The following NUP210 variants were observed in gnomAD, a reference collection of about 807,000 sequenced individuals.
NUP210 encodes the protein nuclear pore membrane glycoprotein 210.
A neutral mutation model predicts 196.0 loss-of-function variants in NUP210; 151 were observed. That is an observed-to-expected ratio of 0.77 (90% CI 0.67 to 0.88). NUP210 has a LOEUF of 0.88. Ranked by LOEUF, NUP210 falls within the 40% of genes least tolerant of loss-of-function variation. The pLI is 0.00. For synonymous variants in NUP210, 1,070 were observed against 1,052.7 expected (o/e 1.02, Z -0.32); for missense variants, 2,314 against 2,493.7 (o/e 0.93, Z 1.53).
At chr3:13,408,303 T>C (rs1397616998) in intron 1 of NUP210, among the ~76,000 whole-genome samples, 2 of 152,198 alleles carry the variant, frequency 1.3e-5, no homozygotes, top group Non-Finnish European at 2.9e-5. Flanking sequence ...TTTTGGTCTG[T>C]GGGATTTTTT....
At chr3:13,327,476 AAAG>A in intron 31 of NUP210, 39 bp from the exon 32 acceptor site, 1 of 1,470,344 alleles carries the variant, frequency 6.8e-7, no homozygotes, top group South Asian at 1.2e-5. Flanking sequence ...CAGTCTCGGG[AAAG>A]AAGCTTCCAA....
At chr3:13,414,475 G>T (rs980896001) in intron 1 of NUP210, among the ~76,000 whole-genome samples, 1 of 148,708 alleles carries the variant, frequency 6.7e-6, no homozygotes, top group African/African-American at 2.5e-5. Flanking sequence ...GGGCCAGGGA[G>T]AACGAGGCCC....
chr3:13,411,655 C>T (rs1217260507), intron 1 of NUP210, among the ~76,000 whole-genome samples: 3 of 152,178 alleles, frequency 2.0e-5, no homozygotes, highest in African/African-American at 4.8e-5. Flanking sequence ...CTGCACCTGC[C>T]GACGGCCCCT....
At chr3:13,343,398 A>G in intron 20 of NUP210, 95 bp from the exon 21 acceptor site, 1 of 1,452,260 alleles carries the variant, frequency 6.9e-7, no homozygotes, top group Admixed American at 2.0e-5. Flanking sequence ...CCTCGCCCTC[A>G]GCACCAGCCT....
At chr3:13,377,422 C>A in intron 9 of NUP210, 34 bp downstream of exon 9, 1 of 1,492,500 alleles carries the variant, frequency 6.7e-7, no homozygotes, top group South Asian at 1.1e-5. Flanking sequence ...GACCCCACCT[C>A]ATCCCCCCAG....
At chr3:13,394,302 C>CA (rs1699583752) in intron 3 of NUP210, among the ~76,000 whole-genome samples, 1 of 152,196 alleles carries the variant, frequency 6.6e-6, no homozygotes, top group South Asian at 2.1e-4. Context: ...ATGCAAGAGG[C>CA]ACGGGTGGGC....
In NUP210 at chr3:13,399,513, G is replaced by A. The variant is rs549339905; in HGVS notation, c.304+212C>T. Among the ~76,000 whole-genome samples the A allele has an allele frequency of 4.6e-5, 7 of 152,276 alleles. No homozygotes were observed. In the East Asian group the frequency reaches 1.2e-3, roughly 25 times the overall value. ...AATAATTTAGAAATTTAGCAAGCCA[G>A]CCTCCACAAAAGGGAACACGGTACG... On this transcript the variant is annotated intron_variant, in intron 2 of 39. Transcript: ENST00000254508.
In NUP210 at chr3:13,376,542, G is replaced by A. The variant is rs533907297; in HGVS notation, c.1153-111C>T. On this transcript the variant is annotated intron_variant, in intron 9 of 39. Transcript: ENST00000254508. The stretch of plus-strand genomic sequence containing the variant: ...ACCAGCAGCCAGGCCAGGCCAAGGG[G>A]CCCCCTGGGGCTCAGCAGCCTCCAC... 23 of 1,207,390 alleles carry A rather than the reference G, an allele frequency of 1.9e-5. No individual in the cohort carries two copies. In the East Asian group the frequency reaches 5.1e-4, roughly 27 times the overall value. 74.8% of individuals were successfully genotyped at this position (1,207,390 alleles called of 1,614,324 possible).
At chr3:13,419,232 A>T (rs1025496266) in intron 1 of NUP210, among the ~76,000 whole-genome samples, 5 of 152,218 alleles carry the variant, frequency 3.3e-5, no homozygotes, top group African/African-American at 1.2e-4. Context: ...TTTCACCCCT[A>T]GGACGGCTGG....
Position 13,395,404 on chromosome 3 carries a change from G to A in NUP210, c.436+1953C>T, listed in dbSNP as rs368788017. ...GCCATCTCGGCTCACTGCAGCCTCC[G>A]CCTCCTGGGCTCAAGCGATTCTCTT... On this transcript the variant is annotated intron_variant, in intron 3 of 39. Coordinates refer to ENST00000254508, the MANE Select transcript of NUP210 (RefSeq NM_024923.4). Among the ~76,000 whole-genome samples, 58 of 152,256 alleles carry A rather than the reference G, an allele frequency of 3.8e-4. 4 individuals are homozygous for A. Among genetic ancestry groups the A allele is most frequent in the South Asian group, 2.3e-3 (11 of 4,822 alleles).
chr3:13,323,234 C>G lies in NUP210; in HGVS notation c.4768+75G>C. ...TGTGAATAGGAGAAGCAGATAAACTCCATCCAGAGGACACAGGAAGCCACC... is the reference window on the plus strand; with the variant it reads ...TGTGAATAGGAGAAGCAGATAAACTGCATCCAGAGGACACAGGAAGCCACC... On this transcript the variant is annotated intron_variant, in intron 34 of 39. Transcript: ENST00000254508. This position sits in a 1 kb window ranked among gnomAD's most constrained non-coding sequence, Gnocchi z 4.3. 1.3e-6 allele frequency: 2 copies of G among 1,587,328 alleles called. No homozygotes were observed. The highest frequency in any genetic ancestry group is 2.3e-5 in the South Asian group (2 of 88,360).
intron 3 of NUP210, among the ~76,000 whole-genome samples, chr3:13,393,980 G>C (rs1299689908): frequency 2.0e-5 from 3 of 152,360 alleles, no homozygotes; most frequent in Middle Eastern, 3.4e-3. Flanking sequence ...GCACAGAAAA[G>C]TCCAGAAGAA....
At position 13,339,926 on chromosome 3, in the gene NUP210, G is replaced by A. The variant is rs535350911; in HGVS notation, c.3399C>T (p.Ile1133=). 3.3e-5 allele frequency: 54 copies of A among 1,614,038 alleles called. No individual in the cohort carries two copies. Among genetic ancestry groups the A allele is most frequent in the East Asian group, 8.9e-5 (4 of 44,894 alleles). Residue 1133 remains isoleucine, a synonymous_variant, in exon 25 of 40, where the codon ATC becomes ATT. Transcript: ENST00000254508. The part of the protein sequence containing the change: ...SAAGLVQGLA[I]GNGTVSGLVQ... ...CGAGCCCAGACACAGTGCCGTTCCC[G>A]ATGGCGAGGCCCTGTACCAGCCCAG...
chr3:13,413,135 C>T (rs1231697994), intron 1 of NUP210, among the ~76,000 whole-genome samples: 1 of 151,510 alleles, frequency 6.6e-6, no homozygotes, highest in Admixed American at 6.6e-5. Flanking sequence ...CGTGTTGGCA[C>T]ATGCCGGTAG....
chr3:13,372,874 C>T (rs559387611), intron 12 of NUP210, among the ~76,000 whole-genome samples: 1 of 152,316 alleles, frequency 6.6e-6, no homozygotes, highest in African/African-American at 2.4e-5. Context: ...GGCTGGGCTG[C>T]TGGGCGAACA....
intron 1 of NUP210, among the ~76,000 whole-genome samples, chr3:13,413,847 A>G (rs1700256951): frequency 6.6e-6 from 1 of 152,246 alleles, no homozygotes; most frequent in South Asian, 2.1e-4. Context: ...GGTCGATTAT[A>G]TGTTATATAT....
At chr3:13,354,402 T>C in intron 16 of NUP210, 1 of 414,772 alleles carries the variant, frequency 2.4e-6, no homozygotes. Flanking sequence ...GTCAGGGGGT[T>C]GCCACTGGCA....
intron 20 of NUP210, 39 bp from the exon 21 acceptor site, chr3:13,343,342 G>GGGGGGGGGGT: frequency 1.5e-6 from 1 of 655,994 alleles, no homozygotes; most frequent in South Asian, 1.7e-5. Context: ...TGGGTGGTGG[G>GGGGGGGGGGT]TTACGCAGCT....
chr3:13,352,523 G>A (rs1698015216), intron 18 of NUP210, among the ~76,000 whole-genome samples: 1 of 152,266 alleles, frequency 6.6e-6, no homozygotes, highest in Non-Finnish European at 1.5e-5. Context: ...CAGAGCATGT[G>A]GCCGCTGGCC....
Sources: allele counts gnomAD v4.1 joint callset (sites outside exome capture counted in the v4.1 genomes callset), GRCh38; gene constraint gnomAD v4.1.1; non-coding constraint Gnocchi (gnomAD v3.1); transcripts MANE v1.5; gene names NCBI Gene and HGNC (gene_info 2026-07-23, HGNC 2026-07-21).